The following TRMT44 variants were observed in gnomAD, a reference collection of about 807,000 sequenced individuals.
TRMT44 encodes tRNA methyltransferase 44 homolog.
Under a neutral mutation model 77.3 loss-of-function variants are expected in TRMT44, and 78 were observed. The ratio of observed to expected loss-of-function variants is 1.01; its 90% CI spans 0.84 to 1.22. The LOEUF is 1.22. Among genes scored for constraint, TRMT44 ranks in the 50% most tolerant of loss-of-function variants. The probability of loss-of-function intolerance (pLI) is 0.00; values close to 1 mark genes in which losing one functional copy is unlikely to be tolerated. For synonymous variants in TRMT44, 391 were observed against 383.3 expected (o/e 1.02, Z -0.23); for missense variants, 1,090 against 964.4 (o/e 1.13, Z -1.73).
intron 8 of TRMT44, among the ~76,000 whole-genome samples, chr4:8,466,910 G>T (rs150311035): frequency 1.3e-5 from 2 of 152,212 alleles, no homozygotes; most frequent in Non-Finnish European, 2.9e-5. Flanking sequence ...TTAAAATCCC[G>T]CTGGAAGAGC....
chr4:8,489,230 A>G (rs1238499106), intron 2 of TRMT44, among the ~76,000 whole-genome samples: 11 of 152,338 alleles, frequency 7.2e-5, no homozygotes, highest in African/African-American at 2.4e-4. Flanking sequence ...ATAGCCTGCA[A>G]CATGGCCACC....
chr4:8,516,242 C>T, the TRMT44 span, among the ~76,000 whole-genome samples: 1 of 152,168 alleles, frequency 6.6e-6, no homozygotes, highest in Admixed American at 6.5e-5. Context: ...ACAAGAGCAT[C>T]GCCCCCTCGA....
chr4:8,475,964 G>A lies in TRMT44; in HGVS notation c.2237G>A (p.Arg746Gln), dbSNP rs764214430. 6.8e-6 allele frequency: 11 copies of A among 1,613,854 alleles called. No individual in the cohort carries two copies. The highest frequency in any genetic ancestry group is 4.0e-5 in the African/African-American group (3 of 74,880). Reference protein sequence around the residue: ...CPFAHGPAELRPPRTTPRKKI... With the variant: ...CPFAHGPAELQPPRTTPRKKI... Reference sequence around the variant, plus strand: ...TTTGCCCATGGGCCTGCGGAGCTGCGGCCACCCCGGACCACCCCGAGGAAG... The same window carrying A: ...TTTGCCCATGGGCCTGCGGAGCTGCAGCCACCCCGGACCACCCCGAGGAAG... Residue 746 changes from arginine (R) to glutamine (Q), a missense_variant, in exon 11 of 11, where the codon CGG becomes CAG. Arg to Gln is a conservative substitution (Grantham distance 43). Transcript: ENST00000389737.
At chr4:8,511,843 T>A in the TRMT44 span, 1 of 152,196 alleles carries the variant, frequency 6.6e-6, no homozygotes, top group African/African-American at 2.4e-5. Flanking sequence ...GATGAAATTC[T>A]AGGAGAGTCC....
chr4:8,440,862 GCGCT>G lies in TRMT44; in HGVS notation c.41_44del (p.Ala14ValfsTer107), dbSNP rs1296101363. On this transcript the variant is annotated frameshift_variant, in exon 1 of 11. Coordinates refer to ENST00000389737, the MANE Select transcript of TRMT44 (RefSeq NM_152544.3). LOFTEE classifies it high-confidence loss of function. ...CCGTACCGGGATCAGCTACCCAGGC[GCGCT>G]TCTCCCACAGGGCTTCTGGGCTGCG... The G allele has an allele frequency of 6.6e-7, 1 of 1,518,464 alleles. No individual in the cohort carries two copies. The highest frequency in any genetic ancestry group is 1.4e-5 in the African/African-American group (1 of 71,114). 94.1% of individuals were successfully genotyped at this position (1,518,464 alleles called of 1,614,324 possible). A position where few individuals can be genotyped will look rare whatever the true frequency, so the allele number is the denominator to read the frequency against.
chr4:8,503,489 G>T, the TRMT44 span, among the ~76,000 whole-genome samples: 1 of 152,326 alleles, frequency 6.6e-6, no homozygotes, highest in Non-Finnish European at 1.5e-5. Flanking sequence ...ACAGCACTCG[G>T]TCCCAGAGGT....
At chr4:8,510,663 G>A in the TRMT44 span, 1 of 152,554 alleles carries the variant, frequency 6.6e-6, no homozygotes, top group African/African-American at 2.4e-5. Context: ...GGTGTCAGGG[G>A]AAGAGGGCCC....
At chr4:8,467,415 C>G (rs547522286) in intron 8 of TRMT44, among the ~76,000 whole-genome samples, 1 of 152,120 alleles carries the variant, frequency 6.6e-6, no homozygotes, top group Non-Finnish European at 1.5e-5. Flanking sequence ...GAACCATGGG[C>G]TCTTACTGTT....
the TRMT44 span, chr4:8,509,546 G>C: frequency 1.3e-5 from 2 of 152,790 alleles, no homozygotes; most frequent in African/African-American, 4.8e-5. Context: ...CCAGCTGCCG[G>C]GGAGGGGCAG....
chr4:8,514,427 C>A, the TRMT44 span, among the ~76,000 whole-genome samples: 2 of 151,944 alleles, frequency 1.3e-5, no homozygotes, highest in Non-Finnish European at 2.9e-5. Context: ...GCGCCCGCCA[C>A]CATGCCCAGC....
intron 6 of TRMT44, among the ~76,000 whole-genome samples, chr4:8,460,741 A>G (rs927631261): frequency 8.5e-5 from 13 of 152,122 alleles, no homozygotes; most frequent in African/African-American, 2.9e-4. Context: ...TTTAGTAGAG[A>G]CGGGGTTTTG....
At position 8,453,005 on chromosome 4, in the gene TRMT44, A is replaced by G; in HGVS notation, c.1131+16A>G. On this transcript the variant is annotated intron_variant, in intron 5 of 10. Coordinates refer to ENST00000389737, the MANE Select transcript of TRMT44 (RefSeq NM_152544.3). ...CAGTGAGGGGGTAAGGCCCGGCTCC[A>G]TCACCTTTTCTGGTAACTTGTCCAG... 6.9e-7 allele frequency: 1 copy of G among 1,440,564 alleles called. No individual in the cohort carries two copies. Among genetic ancestry groups the G allele is most frequent in the Non-Finnish European group, 9.2e-7 (1 of 1,085,644 alleles). The allele number at this position is 1,440,564 out of a possible 1,614,324, so 89.2% of individuals were successfully genotyped here.
chr4:8,451,980 T>C lies in TRMT44; in HGVS notation c.975T>C (p.Asp325=). Residue 325 remains aspartate, a synonymous_variant, in exon 4 of 11, where the codon GAT becomes GAC. Coordinates refer to ENST00000389737, the MANE Select transcript of TRMT44 (RefSeq NM_152544.3). This position sits in a 1 kb window ranked among gnomAD's most constrained non-coding sequence, Gnocchi z 4.1. ...TTTAGGTGTGGCCTGAAGTCACTGA[T>C]CCTGAGAAGTTCGTGTATGAAGATG... ...EMVKVWPEVT[D]PEKFVYEDVA... The C allele has an allele frequency of 6.5e-7, 1 of 1,536,816 alleles. No individual in the cohort carries two copies. Among genetic ancestry groups the C allele is most frequent in the Non-Finnish European group, 8.7e-7 (1 of 1,147,038 alleles).
downstream of TRMT44, among the ~76,000 whole-genome samples, chr4:8,493,881 A>G (rs1157900043): frequency 6.6e-6 from 1 of 151,188 alleles, no homozygotes; most frequent in Non-Finnish European, 1.5e-5. Flanking sequence ...CATGGTCCTT[A>G]GTCACTTGTC....
chr4:8,468,439 C>A, intron 9 of TRMT44, 93 bp downstream of exon 9: 9 of 1,283,234 alleles, frequency 7.0e-6, no homozygotes, highest in Non-Finnish European at 1.0e-5. Context: ...AATGGTGTGG[C>A]CCTGTGACTA....
chr4:8,500,802 T>C, the TRMT44 span, among the ~76,000 whole-genome samples: 1 of 151,994 alleles, frequency 6.6e-6, no homozygotes, highest in Non-Finnish European at 1.5e-5. Context: ...GGATTACAGG[T>C]GTGCACCAAC....
intron 2 of TRMT44, among the ~76,000 whole-genome samples, chr4:8,487,298 G>A (rs1384955289): frequency 6.6e-6 from 1 of 152,108 alleles, no homozygotes; most frequent in African/African-American, 2.4e-5. Context: ...GGGAGATGGA[G>A]GAATGGAGGG....
At chr4:8,491,354 G>A (rs1727996963) in intron 2 of TRMT44, among the ~76,000 whole-genome samples, 1 of 152,228 alleles carries the variant, frequency 6.6e-6, no homozygotes, top group Non-Finnish European at 1.5e-5. Flanking sequence ...TCACCTAGTG[G>A]ATCCCGCACC....
the TRMT44 span, among the ~76,000 whole-genome samples, chr4:8,516,737 C>T: frequency 1.2e-4 from 19 of 152,102 alleles, no homozygotes; most frequent in African/African-American, 4.6e-4. Flanking sequence ...AAGATCGCAC[C>T]ATTGCACTCC....
Sources: allele counts gnomAD v4.1 joint callset (sites outside exome capture counted in the v4.1 genomes callset), GRCh38; gene constraint gnomAD v4.1.1; non-coding constraint Gnocchi (gnomAD v3.1); transcripts MANE v1.5; gene names NCBI Gene and HGNC (gene_info 2026-07-23, HGNC 2026-07-21).